Variants in ANTXR2 observed in about 807,000 individuals in gnomAD.
The protein encoded by ANTXR2 is anthrax toxin receptor 2.
Under a neutral mutation model 73.7 loss-of-function variants are expected in ANTXR2, and 44 were observed. That is an observed-to-expected ratio of 0.60 (90% confidence interval 0.47 to 0.77). The LOEUF (loss-of-function observed/expected upper bound fraction) is 0.77. Ranked by LOEUF, ANTXR2 falls within the 30% of genes least tolerant of loss-of-function variation. ANTXR2 has a pLI of 0.00. For missense variants in ANTXR2, 604 were observed against 592.5 expected (o/e 1.02, Z -0.20); for synonymous variants, 217 against 205.9 (o/e 1.05, Z -0.46).
chr4:79,956,990 A>G (rs547164291), intron 16 of ANTXR2, among the ~76,000 whole-genome samples: 1 of 152,242 alleles, frequency 6.6e-6, no homozygotes, highest in Middle Eastern at 3.4e-3. Flanking sequence ...AATCCACTTG[A>G]CCACTTGACA....
intron 14 of ANTXR2, 71 bp from the exon 15 acceptor site, chr4:79,978,245 A>G: frequency 2.8e-6 from 4 of 1,418,942 alleles, no homozygotes; most frequent in Non-Finnish European, 3.8e-6. Context: ...TATTGAGCCT[A>G]TGGTCCTTTA....
intron 16 of ANTXR2, among the ~76,000 whole-genome samples, chr4:79,910,463 C>T (rs7699422): frequency 0.04 from 5,669 of 140,666 alleles, 372 homozygotes; most frequent in African/African-American, 0.14. Context: ...GAACCAAGAT[C>T]GCACCACTGC....
At chr4:80,011,568 T>C (rs1472811710) in intron 11 of ANTXR2, among the ~76,000 whole-genome samples, 1 of 152,186 alleles carries the variant, frequency 6.6e-6, no homozygotes, top group Non-Finnish European at 1.5e-5. Context: ...GGCATGCCTA[T>C]GTAAAACTGA....
At chr4:80,042,656 G>T (rs115184595) in intron 7 of ANTXR2, among the ~76,000 whole-genome samples, 1 of 151,964 alleles carries the variant, frequency 6.6e-6, no homozygotes, top group African/African-American at 2.4e-5. Flanking sequence ...ATGTGAATAT[G>T]TGAATTGATA....
chr4:79,977,985 T>G (rs1224945626), intron 15 of ANTXR2, 22 bp downstream of exon 15: 1 of 1,555,870 alleles, frequency 6.4e-7, no homozygotes. Context: ...TGAGTTAAAT[T>G]ACACAAAATC....
chr4:80,072,316 C>G (rs1036615004), intron 1 of ANTXR2, 93 bp downstream of exon 1: 47 of 1,392,420 alleles, frequency 3.4e-5, no homozygotes, highest in Non-Finnish European at 4.3e-5. Context: ...TCCAACACCA[C>G]TCCCCGGGGT....
chr4:80,036,576 G>T (rs1732977437), intron 7 of ANTXR2, among the ~76,000 whole-genome samples: 1 of 152,032 alleles, frequency 6.6e-6, no homozygotes, highest in Non-Finnish European at 1.5e-5. Flanking sequence ...CGAGGCAGAG[G>T]GATCACTTGG....
chr4:79,979,066 A>T (rs759318088), intron 14 of ANTXR2, among the ~76,000 whole-genome samples: 7 of 152,192 alleles, frequency 4.6e-5, no homozygotes, highest in Non-Finnish European at 8.8e-5. Flanking sequence ...GAATTCCACA[A>T]ATTATAGCAA....
intron 14 of ANTXR2, among the ~76,000 whole-genome samples, 177 bp downstream of exon 14, chr4:79,983,701 T>A (rs1195207731): frequency 6.6e-6 from 1 of 152,062 alleles, no homozygotes; most frequent in African/African-American, 2.4e-5. Flanking sequence ...TCTAGGCCAG[T>A]TTTGCAGCGG....
At position 80,069,524 on chromosome 4, in the gene ANTXR2, G is replaced by T. The variant is rs763471581; in HGVS notation, c.225-17C>A. 1 of 1,558,936 alleles carries T rather than the reference G, an allele frequency of 6.4e-7. No homozygotes were observed. Among genetic ancestry groups the T allele is most frequent in the African/African-American group, 1.4e-5 (1 of 73,490 alleles). On this transcript the variant is annotated splice_polypyrimidine_tract_variant and intron_variant, in intron 2 of 16. Transcript: ENST00000403729. Reference sequence around the variant, plus strand: ...ATTTCAGGGCTGCAAAATAAGAAAAGAGGCAGTTAAAACATTTTTAAAAAG... The same window carrying T: ...ATTTCAGGGCTGCAAAATAAGAAAATAGGCAGTTAAAACATTTTTAAAAAG...
At chr4:79,933,698 A>G (rs963791515) in intron 16 of ANTXR2, among the ~76,000 whole-genome samples, 2 of 34,664 alleles carry the variant, frequency 5.8e-5, no homozygotes, top group Admixed American at 3.2e-4. Flanking sequence ...CTATCCCTCC[A>G]CCCTCCCCCC....
At chr4:79,972,935 A>AAAAAG (rs1242340389) in intron 16 of ANTXR2, among the ~76,000 whole-genome samples, 1 of 21,226 alleles carries the variant, frequency 4.7e-5, no homozygotes, top group Admixed American at 1.3e-3. Flanking sequence ...AAAAAAAAAA[A>AAAAAG]AAAAGAATAG....
At chr4:80,038,107 A>T (rs1560416621) in intron 7 of ANTXR2, among the ~76,000 whole-genome samples, 1 of 152,164 alleles carries the variant, frequency 6.6e-6, no homozygotes, top group Non-Finnish European at 1.5e-5. Context: ...TTGGCAATAG[A>T]AACCATTTCT....
At chr4:79,980,952 C>G (rs1729865121) in intron 14 of ANTXR2, among the ~76,000 whole-genome samples, 1 of 148,520 alleles carries the variant, frequency 6.7e-6, no homozygotes, top group Non-Finnish European at 1.5e-5. Flanking sequence ...AGAGAAGTAC[C>G]TTCCAGGTTT....
chr4:79,991,967 C>G (rs976981789), intron 12 of ANTXR2, among the ~76,000 whole-genome samples: 17 of 151,908 alleles, frequency 1.1e-4, no homozygotes, highest in Middle Eastern at 6.8e-3. Context: ...GAAGTGAGAA[C>G]CCGGTAGAAA....
chr4:80,072,150 A>C (rs1400324831), intron 1 of ANTXR2, among the ~76,000 whole-genome samples: 1 of 152,218 alleles, frequency 6.6e-6, no homozygotes. Context: ...CCAAGAGGCC[A>C]AAAGACTGGC....
At chr4:80,044,331 A>G (rs951248006) in intron 7 of ANTXR2, among the ~76,000 whole-genome samples, 3 of 151,968 alleles carry the variant, frequency 2.0e-5, no homozygotes, top group Admixed American at 1.3e-4. Flanking sequence ...ATGTTTACAT[A>G]AAAGACACAT....
chr4:80,042,688 G>A (rs1000791980), intron 7 of ANTXR2, among the ~76,000 whole-genome samples: 5 of 152,086 alleles, frequency 3.3e-5, no homozygotes, highest in African/African-American at 1.2e-4. Context: ...TCAAAGTGAT[G>A]TTTGTTAAGC....
intron 14 of ANTXR2, among the ~76,000 whole-genome samples, chr4:79,981,457 A>T (rs978320302): frequency 3.3e-5 from 5 of 152,158 alleles, no homozygotes; most frequent in South Asian, 2.1e-4. Context: ...TATATTTTAA[A>T]TTCATTTATG....
Sources: gnomAD v4.1 joint callset for allele counts (sites outside exome capture counted in the v4.1 genomes callset) on GRCh38, gnomAD v4.1.1 for gene constraint, MANE v1.5 for transcripts, NCBI Gene and HGNC (gene_info 2026-07-23, HGNC 2026-07-21) for gene names.